The following EIPR1 variants were observed in gnomAD, a reference collection of about 807,000 sequenced individuals.
The protein encoded by EIPR1 is EARP complex and GARP complex interacting protein 1, also known as EARP and GARP complex-interacting protein 1.
In EIPR1, 25 loss-of-function variants were observed where a neutral mutation model predicts 48.1. That is an observed-to-expected ratio of 0.52 (90% CI 0.38 to 0.73). The LOEUF (loss-of-function observed/expected upper bound fraction) is 0.73. Ranked by LOEUF, EIPR1 falls within the 30% of genes least tolerant of loss-of-function variation. EIPR1 has a pLI of 0.00. For missense variants in EIPR1, 415 were observed against 506.2 expected, an observed-to-expected ratio of 0.82 and a Z score of 1.73; for synonymous variants, 204 against 201.9, an observed-to-expected ratio of 1.01 and a Z score of -0.09.
At chr2:3,209,085 T>C in intron 5 of EIPR1, 1 of 1,403,290 alleles carries the variant, frequency 7.1e-7, no homozygotes, top group Non-Finnish European at 9.3e-7. Context: ...GTACACCCGT[T>C]CCATGTTTCT....
chr2:3,255,707 G>A (rs1361544929), intron 4 of EIPR1, among the ~76,000 whole-genome samples: 5 of 152,138 alleles, frequency 3.3e-5, no homozygotes, highest in African/African-American at 4.8e-5. Flanking sequence ...ACTGCCATCC[G>A]CTACACATGC....
intron 4 of EIPR1, among the ~76,000 whole-genome samples, chr2:3,248,114 A>C (rs901940776): frequency 6.6e-6 from 1 of 152,072 alleles, no homozygotes; most frequent in South Asian, 2.1e-4. Context: ...GTGGTGAGTG[A>C]GTTCTCGCTC....
intron 1 of EIPR1, among the ~76,000 whole-genome samples, chr2:3,368,910 G>T (rs1380035261): frequency 1.3e-5 from 2 of 152,112 alleles, no homozygotes; most frequent in African/African-American, 4.8e-5. Context: ...TCTTTTATTT[G>T]CAGTTGCAGT....
chr2:3,361,318 A>G (rs1291902847), intron 1 of EIPR1, among the ~76,000 whole-genome samples: 15 of 151,770 alleles, frequency 9.9e-5, no homozygotes, highest in Admixed American at 9.2e-4. Context: ...TGCAAGCCCA[A>G]CCCCCTAAGC....
chr2:3,250,052 G>A (rs1398097064), intron 4 of EIPR1, among the ~76,000 whole-genome samples: 1 of 152,218 alleles, frequency 6.6e-6, no homozygotes, highest in Non-Finnish European at 1.5e-5. Context: ...ATGCTTAGGG[G>A]AAATGTGAGG....
At chr2:3,198,539 G>A (rs1664889391) in intron 5 of EIPR1, among the ~76,000 whole-genome samples, 1 of 152,138 alleles carries the variant, frequency 6.6e-6, no homozygotes. Context: ...GTTATCGGGG[G>A]AACCCACCCC....
At chr2:3,245,207 T>C (rs1361206806) in intron 4 of EIPR1, among the ~76,000 whole-genome samples, 1 of 151,936 alleles carries the variant, frequency 6.6e-6, no homozygotes, top group Non-Finnish European at 1.5e-5. Flanking sequence ...TGCGTTGCGT[T>C]GCATTGCATT....
chr2:3,236,867 G>A (rs1327938514), intron 4 of EIPR1, among the ~76,000 whole-genome samples: 1 of 152,190 alleles, frequency 6.6e-6, no homozygotes, highest in East Asian at 1.9e-4. Flanking sequence ...CACGTGGCCT[G>A]AAAGCTCACA....
At chr2:3,279,094 C>G (rs927098575) in intron 3 of EIPR1, among the ~76,000 whole-genome samples, 1 of 152,176 alleles carries the variant, frequency 6.6e-6, no homozygotes, top group African/African-American at 2.4e-5. Context: ...GGTTTGCCAG[C>G]ATTTGCTAAA....
chr2:3,229,701 T>G (rs1336741783), intron 4 of EIPR1, among the ~76,000 whole-genome samples: 1 of 152,240 alleles, frequency 6.6e-6, no homozygotes, highest in Non-Finnish European at 1.5e-5. Flanking sequence ...AATCCACTCT[T>G]TCAATACACA....
chr2:3,316,223 C>T (rs1039692590), intron 3 of EIPR1, among the ~76,000 whole-genome samples: 1 of 150,796 alleles, frequency 6.6e-6, no homozygotes, highest in African/African-American at 2.4e-5. Context: ...CCACTGTTAT[C>T]GCCACCACCA....
intron 3 of EIPR1, among the ~76,000 whole-genome samples, chr2:3,337,586 A>G (rs1159514763): frequency 1.3e-5 from 2 of 152,194 alleles, no homozygotes; most frequent in African/African-American, 2.4e-5. Context: ...GCGGGCAGGA[A>G]GAAGCCTATG....
intron 2 of EIPR1, among the ~76,000 whole-genome samples, chr2:3,349,958 T>C (rs1411289620): frequency 2.0e-5 from 3 of 151,906 alleles, no homozygotes; most frequent in African/African-American, 7.2e-5. Context: ...ACCCTGTCTC[T>C]ACTAAAAATA....
chr2:3,238,884 A>G (rs1364293709), intron 4 of EIPR1, among the ~76,000 whole-genome samples: 1 of 152,224 alleles, frequency 6.6e-6, no homozygotes, highest in Non-Finnish European at 1.5e-5. Context: ...CTCACCGTCC[A>G]CTACCTAGCC....
chr2:3,353,814 ATTC>A (rs1670649614), intron 2 of EIPR1, among the ~76,000 whole-genome samples: 1 of 152,170 alleles, frequency 6.6e-6, no homozygotes, highest in Admixed American at 6.5e-5. Context: ...AGGCCTGCGT[ATTC>A]TTCGACAGCT....
At chr2:3,376,239 A>G (rs1397238968) in intron 1 of EIPR1, among the ~76,000 whole-genome samples, 2 of 152,158 alleles carry the variant, frequency 1.3e-5, no homozygotes, top group Non-Finnish European at 2.9e-5. Context: ...CATAACAGCC[A>G]TGAGGTGGGG....
At chr2:3,258,981 C>T (rs545648763) in intron 3 of EIPR1, among the ~76,000 whole-genome samples, 1 of 152,032 alleles carries the variant, frequency 6.6e-6, no homozygotes, top group East Asian at 1.9e-4. Context: ...TTCTGCAGAG[C>T]CCACGAGATT....
At chr2:3,314,316 G>A (rs1669219516) in intron 3 of EIPR1, among the ~76,000 whole-genome samples, 1 of 152,134 alleles carries the variant, frequency 6.6e-6, no homozygotes, top group Admixed American at 6.5e-5. Context: ...CCTGAGGCCA[G>A]GGCTTGCTCG....
At chr2:3,348,915 G>A (rs535182161) in intron 2 of EIPR1, among the ~76,000 whole-genome samples, 4 of 152,224 alleles carry the variant, frequency 2.6e-5, no homozygotes, top group South Asian at 2.1e-4. Context: ...AGCCAGTGGA[G>A]CCTTCCCGGC....
Sources: allele counts gnomAD v4.1 joint callset (sites outside exome capture counted in the v4.1 genomes callset), GRCh38; gene constraint gnomAD v4.1.1; transcripts MANE v1.5; gene names NCBI Gene and HGNC (gene_info 2026-07-23, HGNC 2026-07-21).